The following PRH1 variants were observed in gnomAD, a reference collection of about 807,000 sequenced individuals.
The protein encoded by PRH1 is proline rich protein HaeIII subfamily 1.
A neutral mutation model predicts 7.9 loss-of-function variants in PRH1; 7 were observed. The observed-to-expected ratio is 0.89, with a 90% CI of 0.50 to 1.67. The LOEUF (loss-of-function observed/expected upper bound fraction) is 1.67. Ranked by LOEUF, PRH1 falls within the 40% of genes most tolerant of loss-of-function variation. PRH1 has a pLI of 0.00. For missense variants in PRH1, 109 were observed against 223.6 expected (o/e 0.49, Z 3.27); for synonymous variants, 45 against 80.8 (o/e 0.56, Z 2.38).
intron 1 of PRH1, among the ~76,000 whole-genome samples, chr12:11,109,731 G>A (rs192958207): frequency 1.2e-4 from 18 of 152,204 alleles, no homozygotes; most frequent in Non-Finnish European, 2.9e-5. Context: ...GGGCAAAAAA[G>A]GCTGAAAATT....
At chr12:10,902,222 T>C (rs1025199508) in intron 2 of PRH1, among the ~76,000 whole-genome samples, 9 of 151,950 alleles carry the variant, frequency 5.9e-5, no homozygotes, top group Admixed American at 3.3e-4. Context: ...TAAAGTACAA[T>C]TGAATTCATA....
chr12:10,969,702 C>T (rs751501103), intron 2 of PRH1, among the ~76,000 whole-genome samples: 33 of 152,124 alleles, frequency 2.2e-4, no homozygotes, highest in Non-Finnish European at 2.2e-4. Flanking sequence ...TTATACAGTA[C>T]GTAAAATTTA....
intron 1 of PRH1, 131 bp from the exon 2 acceptor site, chr12:10,883,227 T>C (rs541891520): frequency 9.7e-7 from 1 of 1,031,348 alleles, no homozygotes; most frequent in East Asian, 2.4e-5. Context: ...AGCCACTCTC[T>C]GATGCTACTG....
rs1321480317 is a variant in PRH1 at position 11,094,131 on chromosome 12, G to A, written n.124-46943C>T. Among the ~76,000 whole-genome samples the A allele has an allele frequency of 2.7e-5, 3 of 110,972 alleles. 1 individual carries two copies. Among genetic ancestry groups the A allele is most frequent in the Non-Finnish European group, 4.2e-5 (2 of 47,414 alleles). 72.8% of individuals were successfully genotyped at this position (110,972 alleles called of 152,430 possible). On this transcript the variant is annotated intron_variant and non_coding_transcript_variant, in intron 1 of 4. Coordinates refer to the PRH1 transcript ENST00000541977. ...ATCCTGGCCAACATGGTGAAACCCC[G>A]TCTCTACTAAAAATACAAAAATTAG... is the stretch of plus-strand genomic sequence containing the variant.
At chr12:11,076,602 T>C (rs1944301860) in intron 1 of PRH1, among the ~76,000 whole-genome samples, 1 of 120,624 alleles carries the variant, frequency 8.3e-6, no homozygotes, top group African/African-American at 2.8e-5. Flanking sequence ...AATAAGTGAC[T>C]TTTCTAACTA....
chr12:11,168,322 AGGAAGGAAGGAAGGAAGGAAGG>A (rs1947683482), intron 1 of PRH1, among the ~76,000 whole-genome samples: 1 of 82,094 alleles, frequency 1.2e-5, no homozygotes, highest in Non-Finnish European at 2.9e-5. Flanking sequence ...GAAGGAAGGA[AGGAAGGAAGGAAGGAAGGAAGG>A]GAAAGAAAGG....
intron 2 of PRH1, among the ~76,000 whole-genome samples, chr12:10,954,447 G>T (rs527484533): frequency 6.7e-6 from 1 of 149,414 alleles, no homozygotes; most frequent in Admixed American, 6.7e-5. Flanking sequence ...TAGAAGCAGG[G>T]TTGCTATTCT....
rs34885344 is a variant in PRH1, at chr12:10,909,018, T to C, written c.-58-24743A>G. 6.6e-4 allele frequency: 1,062 copies of C among 1,613,756 alleles called. 8 individuals are homozygous for C. In the African/African-American group the frequency reaches 0.012, roughly 18 times the overall value. On this transcript the variant is annotated intron_variant, in intron 2 of 3. Coordinates refer to the PRH1 transcript ENST00000539853. ...GATTGTAGCAAGCCAGAGATTGAAG[T>C]GATTAGAAACTATCCAGCTAAAAAT...
At chr12:11,027,955 C>T (rs1421343576) in intron 1 of PRH1, among the ~76,000 whole-genome samples, 1 of 152,186 alleles carries the variant, frequency 6.6e-6, no homozygotes, top group African/African-American at 2.4e-5. Context: ...CAACTGTGGA[C>T]GTCATATGCT....
At chr12:10,929,161 A>G in intron 2 of PRH1, 2 of 1,374,364 alleles carry the variant, frequency 1.5e-6, no homozygotes, top group South Asian at 2.5e-5. Flanking sequence ...TGAGGCGAGG[A>G]GGCCCACCTG....
At chr12:10,927,253 G>A (rs1950135774) in intron 2 of PRH1, among the ~76,000 whole-genome samples, 1 of 152,154 alleles carries the variant, frequency 6.6e-6, no homozygotes, top group African/African-American at 2.4e-5. Context: ...GGCAATATCT[G>A]TCTGGCACCC....
At chr12:11,002,366 A>G (rs1328928443) in intron 1 of PRH1, among the ~76,000 whole-genome samples, 2 of 152,094 alleles carry the variant, frequency 1.3e-5, no homozygotes, top group Non-Finnish European at 2.9e-5. Flanking sequence ...CATCAGGCAC[A>G]GACAAAGATC....
chr12:11,092,694 G>C (rs1292442226), intron 1 of PRH1, among the ~76,000 whole-genome samples: 2 of 115,440 alleles, frequency 1.7e-5, no homozygotes, highest in East Asian at 4.2e-4. Context: ...CAATCCCCTT[G>C]CTAGCTTCAG....
chr12:11,012,056 AT>A (rs1387816143), intron 1 of PRH1, among the ~76,000 whole-genome samples: 1 of 152,148 alleles, frequency 6.6e-6, no homozygotes, highest in African/African-American at 2.4e-5. Flanking sequence ...TTAAATATGA[AT>A]TGTTTAATTA....
intron 1 of PRH1, chr12:10,997,449 G>A (rs1346047077): frequency 6.2e-7 from 1 of 1,613,896 alleles, no homozygotes; most frequent in Admixed American, 1.7e-5. Flanking sequence ...ATCACAAGGT[G>A]ACAAACCAAA....
chr12:10,881,330 A>AT (rs1949396738), intron 3 of PRH1, among the ~76,000 whole-genome samples: 1 of 152,230 alleles, frequency 6.6e-6, no homozygotes. Context: ...TGTAAGGGCT[A>AT]TTTTTACAAA....
intron 2 of PRH1, among the ~76,000 whole-genome samples, chr12:10,962,747 A>T (rs1286452902): frequency 3.9e-5 from 6 of 152,200 alleles, no homozygotes; most frequent in Admixed American, 6.5e-5. Flanking sequence ...AACAATAAGC[A>T]AGGTCTGCAG....
At chr12:11,112,713 G>A (rs545206933) in intron 1 of PRH1, among the ~76,000 whole-genome samples, 10 of 152,146 alleles carry the variant, frequency 6.6e-5, no homozygotes, top group East Asian at 1.9e-4. Context: ...GGGCAAAAAC[G>A]GGAAGCATTC....
At chr12:10,958,998 A>T (rs61912265) in intron 2 of PRH1, among the ~76,000 whole-genome samples, 1 of 152,168 alleles carries the variant, frequency 6.6e-6, no homozygotes, top group Non-Finnish European at 1.5e-5. Context: ...AACTAGAAAG[A>T]ATAATTAGAA....
Sources: allele counts gnomAD v4.1 joint callset (sites outside exome capture counted in the v4.1 genomes callset), GRCh38; gene constraint gnomAD v4.1.1; transcripts MANE v1.5; gene names NCBI Gene and HGNC (gene_info 2026-07-23, HGNC 2026-07-21).